FAM110D: variants seen among roughly 807,000 people sequenced by gnomAD.
FAM110D encodes protein FAM110D.
For missense variants in FAM110D, 376 were observed against 395.6 expected, an observed-to-expected ratio of 0.95 and a Z score of 0.42; for synonymous variants, 174 against 189.4, an observed-to-expected ratio of 0.92 and a Z score of 0.67.
chr1:26,161,774 G>A lies in FAM110D; in HGVS notation c.483G>A (p.Glu161=), dbSNP rs748849338. The part of the protein sequence containing the change: ...LCPTCSLPLS[E]KERFFNYCGL... The stretch of plus-strand genomic sequence containing the variant: ...CCACGTGCTCGCTGCCCCTGTCGGA[G>A]AAGGAGCGCTTCTTCAACTACTGCG... Residue 161 remains glutamate, a synonymous_variant, in exon 2 of 2, where the codon GAG becomes GAA. Transcript: ENST00000374268. This position sits in a 1 kb window ranked among gnomAD's most constrained non-coding sequence, Gnocchi z 5.4. The A allele has an allele frequency of 4.5e-6, 7 of 1,550,788 alleles. No homozygotes were observed. The African/African-American group carries it at 9.6e-5, about 21-fold the overall frequency.
chr1:26,162,140 C>A lies in FAM110D; in HGVS notation c.*33C>A. On this transcript the variant is annotated 3_prime_UTR_variant, in exon 2 of 2. Transcript: ENST00000374268. This position sits in a 1 kb window ranked among gnomAD's most constrained non-coding sequence, Gnocchi z 5.3. ...GGCTCCGGACTGGCCCCGGGACTGG[C>A]CCCGGGCACGGAAAAGGACACCCCT... 8.2e-7 allele frequency: 1 copy of A among 1,216,888 alleles called. No homozygotes were observed. Among genetic ancestry groups the A allele is most frequent in the Non-Finnish European group, 1.0e-6 (1 of 966,346 alleles). 75.4% of individuals were successfully genotyped at this position (1,216,888 alleles called of 1,614,324 possible).
Position 26,161,587 on chromosome 1 carries a change from A to C in FAM110D, c.296A>C (p.Lys99Thr). 1 of 1,550,390 alleles carries C rather than the reference A, an allele frequency of 6.4e-7. No homozygotes were observed. The part of the protein sequence containing the change: ...QKRDCKASVN[K>T]ENAKGQGLVR... ...CGGGACTGCAAGGCTTCGGTGAACA[A>C]AGAGAACGCCAAGGGCCAGGGTCTG... is the stretch of plus-strand genomic sequence containing the variant. Residue 99 changes from lysine (K) to threonine (T), a missense_variant, in exon 2 of 2, where the codon AAA (lysine) becomes ACA (threonine). By Grantham distance (78) the Lys-to-Thr change is moderately conservative. Coordinates refer to ENST00000374268, the MANE Select transcript of FAM110D (RefSeq NM_024869.3). This position sits in a 1 kb window ranked among gnomAD's most constrained non-coding sequence, Gnocchi z 5.4.
chr1:26,163,799 CTAGT>C lies in FAM110D; in HGVS notation c.*1695_*1698del, dbSNP rs1255540824. Reference sequence around the variant, plus strand: ...GGGACCCGCTGGTACTCTGGGTTCTCTAGTTAATCTTTGACCTTTTTCCTAGTAC... The same window carrying C: ...GGGACCCGCTGGTACTCTGGGTTCTCTAATCTTTGACCTTTTTCCTAGTAC... On this transcript the variant is annotated 3_prime_UTR_variant, in exon 2 of 2. Transcript: ENST00000374268. The C allele has an allele frequency of 1.6e-5, 3 of 186,286 alleles. No individual in the cohort carries two copies. The highest frequency in any genetic ancestry group is 3.3e-5 in the Non-Finnish European group (3 of 91,680). 11.5% of individuals were successfully genotyped at this position (186,286 alleles called of 1,614,324 possible). A position where few individuals can be genotyped will look rare whatever the true frequency, so the allele number is the denominator to read the frequency against.
chr1:26,162,213 C>T lies in FAM110D; in HGVS notation c.*106C>T. ...TGCGTAAGCCCTTCCTTCTGGAACT[C>T]AGTTTCGCGTCTGAACCTTGGGGAG... On this transcript the variant is annotated 3_prime_UTR_variant, in exon 2 of 2. Transcript: ENST00000374268. This position sits in a 1 kb window ranked among gnomAD's most constrained non-coding sequence, Gnocchi z 5.3. 2 of 705,966 alleles carry T rather than the reference C, an allele frequency of 2.8e-6. No individual in the cohort carries two copies. The highest frequency in any genetic ancestry group is 4.6e-5 in the Admixed American group (1 of 21,816). The allele number at this position is 705,966 out of a possible 1,614,324, so 43.7% of individuals were successfully genotyped here.
rs942409325 is a variant in FAM110D at position 26,161,980 on chromosome 1, C to G, written c.689C>G (p.Ser230Trp). Reference protein sequence around the residue: ...SPGGAGGGGGSEAAGSARDRR... With the variant: ...SPGGAGGGGGWEAAGSARDRR... ...GGCGGCGCGGGCGGCGGCGGCGGCT[C>G]GGAGGCAGCGGGCTCGGCGCGGGAC... The change falls in exon 2 of 2, where the codon TCG becomes TGG. Residue 230 changes from serine (S) to tryptophan (W), a missense_variant. Transcript: ENST00000374268. The surrounding 1 kb of genome is among the most constrained non-coding windows in gnomAD (Gnocchi z 5.4). 2 of 1,240,126 alleles carry G rather than the reference C, an allele frequency of 1.6e-6. No homozygotes were observed. The highest frequency in any genetic ancestry group is 4.3e-5 in the Admixed American group (1 of 23,310). 76.8% of individuals were successfully genotyped at this position (1,240,126 alleles called of 1,614,324 possible).
In FAM110D at chr1:26,161,182, C is replaced by A; in HGVS notation, c.-80-30C>A. 8.9e-7 allele frequency: 1 copy of A among 1,128,466 alleles called. No homozygotes were observed. Among genetic ancestry groups the A allele is most frequent in the Non-Finnish European group, 1.2e-6 (1 of 807,248 alleles). The allele number at this position is 1,128,466 out of a possible 1,614,324, so 69.9% of individuals were successfully genotyped here. On this transcript the variant is annotated intron_variant, in intron 1 of 1. Coordinates refer to ENST00000374268, the MANE Select transcript of FAM110D (RefSeq NM_024869.3). The surrounding 1 kb of genome is among the most constrained non-coding windows in gnomAD (Gnocchi z 5.4). Reference sequence around the variant, plus strand: ...GGAGAGGACCAGGGGCATTTCCTACCCTTCCCCTGACCTTCCTCTCTCCCT... The same window carrying A: ...GGAGAGGACCAGGGGCATTTCCTACACTTCCCCTGACCTTCCTCTCTCCCT...
In FAM110D at chr1:26,163,322, T is replaced by G. The variant is rs1351798072; in HGVS notation, c.*1215T>G. Reference sequence around the variant, plus strand: ...GGGTTGCCGTTCCTTTTCTCTCTGCTCTTCCTTCTCTTTTTTTTTTTTTTT... The same window carrying G: ...GGGTTGCCGTTCCTTTTCTCTCTGCGCTTCCTTCTCTTTTTTTTTTTTTTT... On this transcript the variant is annotated 3_prime_UTR_variant, in exon 2 of 2. Transcript: ENST00000374268. The G allele has an allele frequency of 1.5e-5, 2 of 131,208 alleles. No individual in the cohort carries two copies. Among genetic ancestry groups the G allele is most frequent in the African/African-American group, 5.6e-5 (2 of 35,890 alleles). 8.1% of individuals were successfully genotyped at this position (131,208 alleles called of 1,614,324 possible).
intron 1 of FAM110D, 125 bp downstream of exon 1, chr1:26,159,251 G>A (rs1473251332): frequency 6.6e-6 from 1 of 152,358 alleles, no homozygotes; most frequent in Non-Finnish European, 1.5e-5. Context: ...CTTGGGCAGA[G>A]TTGAGACCAC....
At chr1:26,160,704 G>A (rs1054340789) in intron 1 of FAM110D, among the ~76,000 whole-genome samples, 5 of 152,208 alleles carry the variant, frequency 3.3e-5, no homozygotes, top group Non-Finnish European at 5.9e-5. Context: ...CTCCTGCCCC[G>A]ATGGCCCTGC....
Position 26,162,284 on chromosome 1 carries a change from A to G in FAM110D, c.*177A>G. The G allele has an allele frequency of 2.5e-6, 1 of 407,528 alleles. No homozygotes were observed. The highest frequency in any genetic ancestry group is 4.4e-6 in the Non-Finnish European group (1 of 229,758). 25.2% of individuals were successfully genotyped at this position (407,528 alleles called of 1,614,324 possible). On this transcript the variant is annotated 3_prime_UTR_variant, in exon 2 of 2. Transcript: ENST00000374268. The surrounding 1 kb of genome is among the most constrained non-coding windows in gnomAD (Gnocchi z 5.3). Reference sequence around the variant, plus strand: ...AGGCCCTTCCCTGCTCCCGCGGCGAAGGGGGAGGGAGAGGCCTCTTGGTCC... The same window carrying G: ...AGGCCCTTCCCTGCTCCCGCGGCGAGGGGGGAGGGAGAGGCCTCTTGGTCC...
Position 26,162,122 on chromosome 1 carries a change from G to C in FAM110D, c.*15G>C. On this transcript the variant is annotated 3_prime_UTR_variant, in exon 2 of 2. Coordinates refer to ENST00000374268, the MANE Select transcript of FAM110D (RefSeq NM_024869.3). The surrounding 1 kb of genome is among the most constrained non-coding windows in gnomAD (Gnocchi z 5.3). ...CCGAGGTGTGACCGCCGCGGCTCCG[G>C]ACTGGCCCCGGGACTGGCCCCGGGC... 1.6e-6 allele frequency: 2 copies of C among 1,253,074 alleles called. No homozygotes were observed. Among genetic ancestry groups the C allele is most frequent in the Non-Finnish European group, 2.0e-6 (2 of 997,162 alleles). The allele number at this position is 1,253,074 out of a possible 1,614,324, so 77.6% of individuals were successfully genotyped here.
rs570981024 is a variant in FAM110D, at chr1:26,162,313, T to G, written c.*206T>G. ...GGAGGGAGAGGCCTCTTGGTCCCTG[T>G]GGAGACCCGGTCTGGGGAGTCACGA... On this transcript the variant is annotated 3_prime_UTR_variant, in exon 2 of 2. Coordinates refer to ENST00000374268, the MANE Select transcript of FAM110D (RefSeq NM_024869.3). The surrounding 1 kb of genome is among the most constrained non-coding windows in gnomAD (Gnocchi z 5.3). 170 of 380,236 alleles carry G rather than the reference T, an allele frequency of 4.5e-4. No homozygotes were observed. The highest frequency in any genetic ancestry group is 3.3e-3 in the African/African-American group (158 of 47,390). 23.6% of individuals were successfully genotyped at this position (380,236 alleles called of 1,614,324 possible). A position where few individuals can be genotyped will look rare whatever the true frequency, so the allele number is the denominator to read the frequency against.
rs533590910 is a variant in FAM110D at position 26,163,149 on chromosome 1, A to G, written c.*1042A>G. The G allele has an allele frequency of 1.3e-5, 2 of 152,170 alleles. No individual in the cohort carries two copies. The highest frequency in any genetic ancestry group is 3.9e-4 in the East Asian group (2 of 5,178). 9.4% of individuals were successfully genotyped at this position (152,170 alleles called of 1,614,324 possible). ...CGTCTCAAAAAATAAAAATAAAAATAAAAAAAGAAAAGAAGGAAACCTTTC... is the reference window on the plus strand; with the variant it reads ...CGTCTCAAAAAATAAAAATAAAAATGAAAAAAGAAAAGAAGGAAACCTTTC... On this transcript the variant is annotated 3_prime_UTR_variant, in exon 2 of 2. Transcript: ENST00000374268.
In FAM110D at chr1:26,161,068, T is replaced by C. The variant is rs1461280457; in HGVS notation, c.-80-144T>C. ...GTCTCTGAAGGACAGGGAAAGGGGA[T>C]GGCCTGAGCCTCTGCTCCCTGGATG... On this transcript the variant is annotated intron_variant, in intron 1 of 1. Transcript: ENST00000374268. The surrounding 1 kb of genome is among the most constrained non-coding windows in gnomAD (Gnocchi z 5.4). The C allele has an allele frequency of 3.9e-6, 2 of 507,128 alleles. No homozygotes were observed. The highest frequency in any genetic ancestry group is 3.6e-5 in the Admixed American group (1 of 27,894). 31.4% of individuals were successfully genotyped at this position (507,128 alleles called of 1,614,324 possible).
intron 1 of FAM110D, among the ~76,000 whole-genome samples, chr1:26,159,384 G>A (rs79368262): frequency 0.015 from 2,334 of 152,272 alleles, 43 homozygotes; most frequent in African/African-American, 0.051. Context: ...GGAAGAGGCT[G>A]TGGATGACAG....
intron 1 of FAM110D, among the ~76,000 whole-genome samples, chr1:26,160,722 G>A (rs796356793): frequency 1.3e-4 from 20 of 152,360 alleles, no homozygotes; most frequent in African/African-American, 4.6e-4. Flanking sequence ...TGCTGGGCCT[G>A]GGCAGGGCAG....
chr1:26,161,384 G>C lies in FAM110D; in HGVS notation c.93G>C (p.Thr31=), dbSNP rs1029163704. ...LEADKAKYVK[T]HQVIARRQEP... ...CCGACAAAGCCAAGTATGTCAAGACGCACCAGGTGATAGCTAGGCGACAGG... is the reference window on the plus strand; with the variant it reads ...CCGACAAAGCCAAGTATGTCAAGACCCACCAGGTGATAGCTAGGCGACAGG... Residue 31 remains threonine (T), a synonymous_variant, in exon 2 of 2, where the codon ACG becomes ACC. Transcript: ENST00000374268. This position sits in a 1 kb window ranked among gnomAD's most constrained non-coding sequence, Gnocchi z 5.4. 5 of 1,598,884 alleles carry C rather than the reference G, an allele frequency of 3.1e-6. No homozygotes were observed. The African/African-American group carries it at 6.7e-5, about 21-fold the overall frequency.
rs555749167 is a variant in FAM110D at position 26,160,482 on chromosome 1, G to GA, written c.-80-718dup. Among the ~76,000 whole-genome samples, 856 of 139,046 alleles carry GA rather than the reference G, an allele frequency of 6.2e-3. 7 individuals are homozygous for GA. Among genetic ancestry groups the GA allele is most frequent in the African/African-American group, 0.017 (641 of 37,992 alleles). 91.2% of individuals were successfully genotyped at this position (139,046 alleles called of 152,430 possible). A position where few individuals can be genotyped will look rare whatever the true frequency, so the allele number is the denominator to read the frequency against. ...GTGACAAAGCAAGACTCCGTCTAAA[G>GA]AAAAAAAAAAAAGAAACCTGGGTTC... On this transcript the variant is annotated intron_variant, in intron 1 of 1. Transcript: ENST00000374268.
Position 26,162,106 on chromosome 1 carries a change from G to A in FAM110D, c.815G>A (p.Ter272=). 1 of 1,263,020 alleles carries A rather than the reference G, an allele frequency of 7.9e-7. No individual in the cohort carries two copies. Among genetic ancestry groups the A allele is most frequent in the South Asian group, 3.0e-5 (1 of 32,904 alleles). The allele number at this position is 1,263,020 out of a possible 1,614,324, so 78.2% of individuals were successfully genotyped here. A position where few individuals can be genotyped will look rare whatever the true frequency, so the allele number is the denominator to read the frequency against. The part of the protein sequence containing the change: ...ARGPPRESEV[*] ...GGACCGCCGCGCGAGTCCGAGGTGT[G>A]ACCGCCGCGGCTCCGGACTGGCCCC... Residue 272 remains the stop codon, a stop_retained_variant, in exon 2 of 2, where the codon TGA becomes TAA. Coordinates refer to ENST00000374268, the MANE Select transcript of FAM110D (RefSeq NM_024869.3). This position sits in a 1 kb window ranked among gnomAD's most constrained non-coding sequence, Gnocchi z 5.3.
Sources: allele counts gnomAD v4.1 joint callset (sites outside exome capture counted in the v4.1 genomes callset), GRCh38; gene constraint gnomAD v4.1.1; non-coding constraint Gnocchi (gnomAD v3.1); transcripts MANE v1.5; gene names NCBI Gene and HGNC (gene_info 2026-07-23, HGNC 2026-07-21).